Variants in CCNH observed in about 807,000 individuals in gnomAD.
CCNH encodes cyclin-H.
Under a neutral mutation model 41.9 loss-of-function variants are expected in CCNH, and 31 were observed. The observed-to-expected ratio is 0.74, with a 90% CI of 0.56 to 1.00. The LOEUF (loss-of-function observed/expected upper bound fraction) is 1.00. CCNH is among the 50% of genes least tolerant of loss of function. The pLI is 0.00. For synonymous variants in CCNH, 138 were observed against 136.1 expected (o/e 1.01, Z -0.10); for missense variants, 362 against 388.4 (o/e 0.93, Z 0.57).
At chr5:87,332,698 G>A (rs1757686232) in intron 9 of CCNH, 2 of 1,499,180 alleles carry the variant, frequency 1.3e-6, no homozygotes, top group Admixed American at 1.7e-5. Flanking sequence ...TACAATAATG[G>A]TTTTAGCTAT....
intron 9 of CCNH, among the ~76,000 whole-genome samples, chr5:87,329,438 G>A (rs1229869706): frequency 1.3e-5 from 2 of 151,912 alleles, no homozygotes; most frequent in Non-Finnish European, 2.9e-5. Context: ...TGAGACTCCC[G>A]TCTTAAAACA....
chr5:87,369,045 TAA>T (rs1760735133), intron 9 of CCNH, among the ~76,000 whole-genome samples: 2 of 152,188 alleles, frequency 1.3e-5, no homozygotes, highest in Admixed American at 6.5e-5. Flanking sequence ...TAATAAGTGT[TAA>T]GCTTGTCCTC....
chr5:87,366,665 C>T (rs1252574056), intron 9 of CCNH, among the ~76,000 whole-genome samples: 1 of 152,142 alleles, frequency 6.6e-6, no homozygotes, highest in Non-Finnish European at 1.5e-5. Flanking sequence ...TTTAATGATA[C>T]CAGGTCTGAA....
rs1298999415 is a variant in CCNH, at chr5:87,331,074, A to G, written c.*91-12177T>C. ...GTGTTTATATTTTGAATAGCAGGCA[A>G]TCCTGGAAGTAGGGAGATGGGTAGA... On this transcript the variant is annotated intron_variant and NMD_transcript_variant, in intron 9 of 9. Coordinates refer to the CCNH transcript ENST00000645953. 8 of 1,046,722 alleles carry G rather than the reference A, an allele frequency of 7.6e-6. No individual in the cohort carries two copies. The East Asian group carries it at 1.8e-4, about 24-fold the overall frequency. The allele number at this position is 1,046,722 out of a possible 1,614,324, so 64.8% of individuals were successfully genotyped here.
intron 6 of CCNH, among the ~76,000 whole-genome samples, chr5:87,400,616 A>C (rs1275339792): frequency 6.6e-6 from 1 of 152,246 alleles, no homozygotes; most frequent in Non-Finnish European, 1.5e-5. Flanking sequence ...GCAGAGAATC[A>C]GGAAATGATA....
chr5:87,314,740 TA>T (rs1031605229), downstream of CCNH, among the ~76,000 whole-genome samples: 39 of 146,712 alleles, frequency 2.7e-4, no homozygotes, highest in African/African-American at 2.5e-4. Context: ...GATGGTCATT[TA>T]AAAAAAAAAA....
chr5:87,390,828 C>T (rs1762461168), downstream of CCNH: 1 of 1,613,394 alleles, frequency 6.2e-7, no homozygotes, highest in African/African-American at 1.3e-5. Flanking sequence ...CTGGCTATAA[C>T]AGAACTGCTT....
intron 9 of CCNH, among the ~76,000 whole-genome samples, chr5:87,330,587 A>G (rs1580277844): frequency 6.6e-6 from 1 of 152,122 alleles, no homozygotes; most frequent in Non-Finnish European, 1.5e-5. Flanking sequence ...GTTTCTGTTT[A>G]TATCAGTCCA....
chr5:87,355,728 C>T (rs955854657), intron 9 of CCNH, among the ~76,000 whole-genome samples: 2 of 152,020 alleles, frequency 1.3e-5, no homozygotes, highest in Non-Finnish European at 2.9e-5. Context: ...CATTGAAAAC[C>T]CTTTGGAAAG....
downstream of CCNH, chr5:87,389,577 T>C (rs914617068): frequency 3.9e-5 from 62 of 1,600,380 alleles, no homozygotes; most frequent in Non-Finnish European, 2.0e-5. Flanking sequence ...AGATAACACT[T>C]AGAGAGTTAA....
At chr5:87,344,134 T>C (rs1458655767) in intron 9 of CCNH, among the ~76,000 whole-genome samples, 1 of 152,082 alleles carries the variant, frequency 6.6e-6, no homozygotes, top group Admixed American at 6.6e-5. Flanking sequence ...CTAGATAGAA[T>C]GAATAAGATC....
rs1408749427 is a variant in CCNH at position 87,395,018 on chromosome 5, G to A, written c.933+26C>T. ...CAGAATGTATAACAAAAATAACTTA[G>A]AGTTCATCTTTGGAGTAAAACATAC... On this transcript the variant is annotated intron_variant, in intron 8 of 8. Transcript: ENST00000256897. 1.8e-5 allele frequency: 29 copies of A among 1,610,814 alleles called. 1 individual carries two copies. The East Asian group carries it at 6.5e-4, about 36-fold the overall frequency.
intron 7 of CCNH, 116 bp downstream of exon 7, chr5:87,399,278 G>T: frequency 1.3e-6 from 1 of 743,658 alleles, no homozygotes; most frequent in Non-Finnish European, 2.3e-6. Context: ...AAGAAAATCT[G>T]ATTTTATGGA....
chr5:87,350,157 G>A (rs900782886), intron 9 of CCNH, among the ~76,000 whole-genome samples: 2 of 151,720 alleles, frequency 1.3e-5, no homozygotes, highest in Non-Finnish European at 3.0e-5. Flanking sequence ...TTGTTTATCT[G>A]AAAAAAACCA....
chr5:87,411,957 G>C (rs549857514), intron 1 of CCNH, among the ~76,000 whole-genome samples: 1 of 152,242 alleles, frequency 6.6e-6, no homozygotes, highest in East Asian at 1.9e-4. Flanking sequence ...AAACCAGTCC[G>C]AGAGCTGTAA....
At chr5:87,378,085 C>T (rs902666287), upstream of CCNH, among the ~76,000 whole-genome samples, 30 of 152,066 alleles carry the variant, frequency 2.0e-4, no homozygotes, top group Admixed American at 9.2e-4. Flanking sequence ...ATTTATGGTC[C>T]TAATTTTATC....
chr5:87,340,039 T>C (rs1758324431), intron 9 of CCNH, among the ~76,000 whole-genome samples: 1 of 152,180 alleles, frequency 6.6e-6, no homozygotes, highest in Non-Finnish European at 1.5e-5. Flanking sequence ...GGAGGGATTT[T>C]TGTCTCTGAT....
At chr5:87,376,424 G>A in exon 1 of CCNH, 3 of 1,613,960 alleles carry the variant, frequency 1.9e-6, no homozygotes, top group Non-Finnish European at 2.5e-6. Context: ...GCCGATTACA[G>A]AAAGGGCATG....
intron 9 of CCNH, among the ~76,000 whole-genome samples, chr5:87,367,062 A>T (rs760261172): frequency 1.1e-4 from 17 of 151,616 alleles, no homozygotes; most frequent in Admixed American, 2.6e-4. Flanking sequence ...AACAACAAAA[A>T]TTTTTTTTTC....
Sources: gnomAD v4.1 joint callset for allele counts (sites outside exome capture counted in the v4.1 genomes callset) on GRCh38, gnomAD v4.1.1 for gene constraint, MANE v1.5 for transcripts, NCBI Gene and HGNC (gene_info 2026-07-23, HGNC 2026-07-21) for gene names.